The following GTF3C6 variants were observed in gnomAD, a reference collection of about 807,000 sequenced individuals.
The protein encoded by GTF3C6 is general transcription factor IIIC subunit 6, also known as general transcription factor 3C polypeptide 6.
Under a neutral mutation model 19.2 loss-of-function variants are expected in GTF3C6, and 11 were observed. The ratio of observed to expected loss-of-function variants is 0.57; its 90% CI spans 0.36 to 0.95. The LOEUF (loss-of-function observed/expected upper bound fraction) is 0.95, where lower values mean the gene tolerates loss of function less well. Among genes scored for constraint, GTF3C6 ranks in the 40% least tolerant of loss-of-function variants. The pLI is 0.01. For synonymous variants in GTF3C6, 87 were observed against 84.2 expected (o/e 1.03, Z -0.18); for missense variants, 222 against 254.7 (o/e 0.87, Z 0.87).
At chr6:110,962,047 C>T (rs1771167757) in intron 4 of GTF3C6, among the ~76,000 whole-genome samples, 1 of 152,030 alleles carries the variant, frequency 6.6e-6, no homozygotes, top group Non-Finnish European at 1.5e-5. Flanking sequence ...GGATTACAGG[C>T]GTGTGCCACC....
rs1771114414 is a variant in GTF3C6, at chr6:110,958,709, C to G, written c.-61C>G. The G allele has an allele frequency of 1.6e-5, 24 of 1,524,314 alleles. No homozygotes were observed. The highest frequency in any genetic ancestry group is 2.0e-5 in the Non-Finnish European group (22 of 1,124,248). The allele number at this position is 1,524,314 out of a possible 1,614,324, so 94.4% of individuals were successfully genotyped here. A position where few individuals can be genotyped will look rare whatever the true frequency, so the allele number is the denominator to read the frequency against. The stretch of plus-strand genomic sequence containing the variant: ...CTTCGCCTCGGAGCTGAAGCCCGTA[C>G]TCAAGATGGCGGCTCCGGGCGGGCG... On this transcript the variant is annotated 5_prime_UTR_variant, in exon 1 of 6. Coordinates refer to ENST00000329970, the MANE Select transcript of GTF3C6 (RefSeq NM_138408.4).
At chr6:110,959,872 G>A (rs1562357846) in intron 2 of GTF3C6, among the ~76,000 whole-genome samples, 2 of 152,018 alleles carry the variant, frequency 1.3e-5, no homozygotes, top group South Asian at 2.1e-4. Context: ...CAGGAGAATC[G>A]CGTGATCCCT....
chr6:110,961,905 ATTT>A (rs67754425), intron 4 of GTF3C6, among the ~76,000 whole-genome samples: 37,396 of 147,470 alleles, frequency 0.25, 5,323 homozygotes, highest in East Asian at 0.65. Context: ...CTGTTAACGT[ATTT>A]TTTTTTTTTT....
intron 4 of GTF3C6, among the ~76,000 whole-genome samples, chr6:110,961,000 C>T (rs772605486): frequency 8.7e-5 from 13 of 149,886 alleles, no homozygotes; most frequent in Admixed American, 1.3e-4. Context: ...GAGCCGAGAT[C>T]GCACCAGTGC....
Position 110,960,457 on chromosome 6 carries a change from T to G in GTF3C6, c.182T>G (p.Val61Gly). 1 of 1,614,002 alleles carries G rather than the reference T, an allele frequency of 6.2e-7. No individual in the cohort carries two copies. Among genetic ancestry groups the G allele is most frequent in the Non-Finnish European group, 8.5e-7 (1 of 1,179,944 alleles). ...ERPILQVDSC[V>G]FAGEYEDTLG... ...CCCATTCTGCAAGTGGACAGCTGTG[T>G]CTTTGCTGGGGAGTATGAAGGTAGG... The change falls in exon 3 of 6, where the codon GTC (valine) becomes GGC (glycine). Residue 61 changes from valine to glycine, a missense_variant. Coordinates refer to ENST00000329970, the MANE Select transcript of GTF3C6 (RefSeq NM_138408.4).
rs771611912 is a variant in GTF3C6 at position 110,967,726 on chromosome 6, C to T, written c.578C>T (p.Pro193Leu). 48 of 1,613,744 alleles carry T rather than the reference C, an allele frequency of 3.0e-5. No individual in the cohort carries two copies. The African/African-American group carries it at 6.0e-4, about 20-fold the overall frequency. ...CACTTGGAAATAGAAGATTCTGGTC[C>T]TCTTATTGATATACCTTCTGAGACA... is the stretch of plus-strand genomic sequence containing the variant. ...PMHLEIEDSG[P>L]LIDIPSETEG... is the part of the protein sequence containing the mutation. The change falls in exon 6 of 6, where the codon CCT (proline) becomes CTT (leucine). Residue 193 changes from proline (P) to leucine (L), a missense_variant. Transcript: ENST00000329970.
At chr6:110,966,753 A>G (rs1027296781) in intron 5 of GTF3C6, among the ~76,000 whole-genome samples, 3 of 152,236 alleles carry the variant, frequency 2.0e-5, no homozygotes, top group Non-Finnish European at 2.9e-5. Context: ...ACTGTGCTAA[A>G]TAACAGAATA....
rs935772923 is a variant in GTF3C6 at position 110,958,727 on chromosome 6, G to A, written c.-43G>A. Reference sequence around the variant, plus strand: ...GCCCGTACTCAAGATGGCGGCTCCGGGCGGGCGTGGCCAGTGACTAGAAGG... The same window carrying A: ...GCCCGTACTCAAGATGGCGGCTCCGAGCGGGCGTGGCCAGTGACTAGAAGG... On this transcript the variant is annotated 5_prime_UTR_variant, in exon 1 of 6. Coordinates refer to ENST00000329970, the MANE Select transcript of GTF3C6 (RefSeq NM_138408.4). The A allele has an allele frequency of 3.2e-6, 5 of 1,548,748 alleles. No individual in the cohort carries two copies. The African/African-American group carries it at 6.8e-5, about 21-fold the overall frequency.
intron 4 of GTF3C6, among the ~76,000 whole-genome samples, chr6:110,962,150 C>T (rs886735235): frequency 3.3e-5 from 5 of 152,104 alleles, no homozygotes; most frequent in East Asian, 3.9e-4. Context: ...GTGAACCACT[C>T]GCCTCGGCCT....
intron 5 of GTF3C6, among the ~76,000 whole-genome samples, chr6:110,966,063 G>C (rs1422722333): frequency 1.3e-5 from 2 of 152,190 alleles, no homozygotes; most frequent in African/African-American, 4.8e-5. Context: ...TTGACATGTT[G>C]TCCTCCTCAC....
At chr6:110,959,015 G>A (rs1363251651) in intron 1 of GTF3C6, 157 bp from the exon 2 acceptor site, 14 of 823,750 alleles carry the variant, frequency 1.7e-5, no homozygotes, top group Non-Finnish European at 2.6e-5. Flanking sequence ...CCGTACTTGG[G>A]ATGGGAAGTA....
rs1460175121 is a variant in GTF3C6, at chr6:110,965,182, A to G, written c.362-2328A>G. On this transcript the variant is annotated intron_variant, in intron 5 of 5. Coordinates refer to ENST00000329970, the MANE Select transcript of GTF3C6 (RefSeq NM_138408.4). ...AATAGAGACAGGATCTTACTATGTT[A>G]CCCAGCTGGTCTCAAACTCCTGGGC... 3.1e-5 allele frequency among the ~76,000 whole-genome samples: 4 copies of G among 131,100 alleles called. No homozygotes were observed. In the East Asian group the frequency reaches 8.7e-4, roughly 28 times the overall value. The allele number at this position is 131,100 out of a possible 152,430, so 86.0% of individuals were successfully genotyped here. A position where few individuals can be genotyped will look rare whatever the true frequency, so the allele number is the denominator to read the frequency against.
At chr6:110,962,688 C>T (rs556442929) in intron 5 of GTF3C6, among the ~76,000 whole-genome samples, 183 bp downstream of exon 5, 4 of 152,296 alleles carry the variant, frequency 2.6e-5, no homozygotes, top group African/African-American at 7.2e-5. Context: ...CTGCCACCTC[C>T]GCCTCCTGGG....
At chr6:110,967,019 G>A (rs1771238311) in intron 5 of GTF3C6, among the ~76,000 whole-genome samples, 2 of 152,088 alleles carry the variant, frequency 1.3e-5, no homozygotes, top group Admixed American at 1.3e-4. Flanking sequence ...CAGGCATGGT[G>A]GCACACACCT....
chr6:110,958,914 G>C, intron 1 of GTF3C6, 88 bp downstream of exon 1: 1 of 1,418,350 alleles, frequency 7.1e-7, no homozygotes, highest in South Asian at 1.3e-5. Context: ...GGGAGCTGCG[G>C]GCCGGAGGGA....
chr6:110,964,864 C>T (rs1285958533), intron 5 of GTF3C6, among the ~76,000 whole-genome samples: 2 of 144,958 alleles, frequency 1.4e-5, no homozygotes, highest in African/African-American at 5.1e-5. Context: ...ACGAATTTCG[C>T]TCTTGTTGCC....
chr6:110,963,700 T>G (rs945604740), intron 5 of GTF3C6, among the ~76,000 whole-genome samples: 2 of 143,952 alleles, frequency 1.4e-5, no homozygotes, highest in African/African-American at 5.3e-5. Context: ...TGGAAAAAGC[T>G]GGCTTTTTTT....
At position 110,962,423 on chromosome 6, in the gene GTF3C6, A is replaced by G. The variant is rs745927660; in HGVS notation, c.279A>G (p.Leu93=). 4.4e-6 allele frequency: 7 copies of G among 1,607,348 alleles called. No homozygotes were observed. The highest frequency in any genetic ancestry group is 6.0e-6 in the Non-Finnish European group (7 of 1,173,976). ...ADTEGNNKTV[L]KYKCHTMKKL... is the part of the protein sequence containing the mutation. ...CAGAAGGCAATAATAAAACAGTGCT[A>G]AAATATAAATGCCATACAATGAAGA... Residue 93 remains leucine (L), a synonymous_variant, in exon 5 of 6, where the codon CTA becomes CTG. Coordinates refer to ENST00000329970, the MANE Select transcript of GTF3C6 (RefSeq NM_138408.4).
In GTF3C6 at chr6:110,967,782, C is replaced by T. The variant is rs1179200928; in HGVS notation, c.634C>T (p.Leu212=). Residue 212 remains leucine (L), a synonymous_variant, in exon 6 of 6, where the codon CTG becomes TTG. Coordinates refer to ENST00000329970, the MANE Select transcript of GTF3C6 (RefSeq NM_138408.4). ...TTCTGTTTTTATGGAAACTCAAATGCTGCCTTAGAAATCACTCCTAGATGA... is the reference window on the plus strand; with the variant it reads ...TTCTGTTTTTATGGAAACTCAAATGTTGCCTTAGAAATCACTCCTAGATGA... The part of the protein sequence containing the change: ...EGSVFMETQM[L]P 1 of 1,601,002 alleles carries T rather than the reference C, an allele frequency of 6.2e-7. No individual in the cohort carries two copies. The highest frequency in any genetic ancestry group is 8.5e-7 in the Non-Finnish European group (1 of 1,174,768).
Sources: allele counts gnomAD v4.1 joint callset (sites outside exome capture counted in the v4.1 genomes callset), GRCh38; gene constraint gnomAD v4.1.1; transcripts MANE v1.5; gene names NCBI Gene and HGNC (gene_info 2026-07-23, HGNC 2026-07-21).